The following EZH2 variants were observed in gnomAD, a reference collection of about 807,000 sequenced individuals.
EZH2 encodes histone-lysine N-methyltransferase EZH2.
A neutral mutation model predicts 98.4 loss-of-function variants in EZH2; 18 were observed. The ratio of observed to expected loss-of-function variants is 0.18; its 90% CI spans 0.13 to 0.27. The LOEUF is 0.27. Among genes scored for constraint, EZH2 ranks in the 10% least tolerant of loss-of-function variants. The pLI, the probability that EZH2 is intolerant of heterozygous loss-of-function variation, is 1.00. For missense variants in EZH2, 470 were observed against 935.1 expected (o/e 0.50, Z 6.49); for synonymous variants, 338 against 312.3 (o/e 1.08, Z -0.87).
At chr7:148,817,118 T>C (rs1804766834) in intron 11 of EZH2, 104 bp downstream of exon 11, 1 of 1,069,088 alleles carries the variant, frequency 9.4e-7, no homozygotes, top group African/African-American at 1.6e-5. Context: ...AGGAGATGAA[T>C]AGGAGCTTAG....
intron 1 of EZH2, among the ~76,000 whole-genome samples, chr7:148,881,683 C>A (rs1820978330): frequency 1.3e-5 from 2 of 152,074 alleles, no homozygotes; most frequent in Non-Finnish European, 2.9e-5. Flanking sequence ...ACGTCTGGAT[C>A]AGCATTTTGG....
chr7:148,818,067 G>T lies in EZH2; in HGVS notation c.1050C>A (p.Thr350=), dbSNP rs1478611049. Residue 350 remains threonine, a synonymous_variant, in exon 10 of 20, where the codon ACC becomes ACA. Transcript: ENST00000320356. ...AAALTAERIK[T]PPKRPGGRRR... is the part of the protein sequence containing the mutation. Reference sequence around the variant, plus strand: ...TGCGGCCTCCTGGACGTTTTGGTGGGGTCTTTATCCGCTCAGCGGTGAGAG... The same window carrying T: ...TGCGGCCTCCTGGACGTTTTGGTGGTGTCTTTATCCGCTCAGCGGTGAGAG... The T allele has an allele frequency of 6.2e-7, 1 of 1,613,390 alleles. No homozygotes were observed. The highest frequency in any genetic ancestry group is 8.5e-7 in the Non-Finnish European group (1 of 1,179,776).
chr7:148,858,094 C>G (rs1190532541), intron 1 of EZH2, among the ~76,000 whole-genome samples: 1 of 151,780 alleles, frequency 6.6e-6, no homozygotes, highest in Non-Finnish European at 1.5e-5. Context: ...AGATCGAGAC[C>G]ATTCTTGCTA....
chr7:148,823,976 C>A (rs932699664), intron 8 of EZH2, among the ~76,000 whole-genome samples: 2 of 152,088 alleles, frequency 1.3e-5, no homozygotes, highest in Non-Finnish European at 2.9e-5. Context: ...ACTACCGTAT[C>A]CCCAAGATAA....
chr7:148,829,702 T>C (rs780608707), intron 5 of EZH2, 26 bp downstream of exon 5: 2 of 1,599,732 alleles, frequency 1.3e-6, no homozygotes, highest in African/African-American at 1.4e-5. Flanking sequence ...AGCCCCTTTT[T>C]CCAAGAGAAG....
chr7:148,848,349 GA>G (rs760515375), intron 1 of EZH2, among the ~76,000 whole-genome samples: 4 of 152,204 alleles, frequency 2.6e-5, no homozygotes, highest in Non-Finnish European at 5.9e-5. Context: ...CGATGACAGG[GA>G]AAAGTACGTG....
At chr7:148,814,640 A>T (rs945936811) in intron 14 of EZH2, among the ~76,000 whole-genome samples, 2 of 152,174 alleles carry the variant, frequency 1.3e-5, no homozygotes, top group African/African-American at 2.4e-5. Flanking sequence ...ACTTTAATAC[A>T]ACTTAATTTA....
intron 3 of EZH2, among the ~76,000 whole-genome samples, chr7:148,841,190 T>C (rs1812334979): frequency 6.6e-6 from 1 of 152,102 alleles, no homozygotes; most frequent in African/African-American, 2.4e-5. Flanking sequence ...CCTTTTTTTT[T>C]TAAGCTAACC....
At chr7:148,826,684 T>C in intron 7 of EZH2, 52 bp from the exon 8 acceptor site, 1 of 1,382,068 alleles carries the variant, frequency 7.2e-7, no homozygotes, top group Non-Finnish European at 9.5e-7. Context: ...AATCACTTTT[T>C]TGAAAACAGT....
chr7:148,869,338 C>CTTTTTTT (rs143589780), intron 1 of EZH2, among the ~76,000 whole-genome samples: 5 of 80,286 alleles, frequency 6.2e-5, no homozygotes, highest in African/African-American at 1.9e-4. Flanking sequence ...CAGCAATAGC[C>CTTTTTTT]TTTTTTTTTT....
chr7:148,861,823 T>A (rs527757129), intron 1 of EZH2, among the ~76,000 whole-genome samples: 1 of 124,226 alleles, frequency 8.0e-6, no homozygotes. Flanking sequence ...AAAAAAAAAT[T>A]AATTAGTAAG....
intron 1 of EZH2, among the ~76,000 whole-genome samples, chr7:148,859,645 C>T (rs1817380235): frequency 6.6e-6 from 1 of 152,154 alleles, no homozygotes; most frequent in African/African-American, 2.4e-5. Context: ...AGCTGAAGTA[C>T]TCAGAGCCCC....
In EZH2 at chr7:148,815,563, A is replaced by G; in HGVS notation, c.1506-17T>C. The stretch of plus-strand genomic sequence containing the variant: ...GCCCACAACCTGCAAAAACACAAAG[A>G]AAATTAAACCAAATTTCTGCGGGAA... On this transcript the variant is annotated splice_polypyrimidine_tract_variant and intron_variant, in intron 12 of 19. Transcript: ENST00000320356. The G allele has an allele frequency of 6.2e-7, 1 of 1,613,454 alleles. No individual in the cohort carries two copies. Among genetic ancestry groups the G allele is most frequent in the African/African-American group, 1.3e-5 (1 of 75,054 alleles).
chr7:148,873,319 C>T (rs371301561), intron 1 of EZH2, among the ~76,000 whole-genome samples: 14 of 151,838 alleles, frequency 9.2e-5, no homozygotes, highest in African/African-American at 3.4e-4. Context: ...TAGTGAAACC[C>T]CATCTCTACT....
intron 3 of EZH2, among the ~76,000 whole-genome samples, chr7:148,834,348 TATATACACAC>T (rs1426797805): frequency 3.9e-5 from 3 of 76,282 alleles, no homozygotes; most frequent in African/African-American, 9.6e-5. Flanking sequence ...TATATATATA[TATATACACAC>T]ACACACACAC....
chr7:148,865,081 C>A (rs1259982001), intron 1 of EZH2, among the ~76,000 whole-genome samples: 1 of 150,092 alleles, frequency 6.7e-6, no homozygotes, highest in Non-Finnish European at 1.5e-5. Context: ...AAGCTGAGAT[C>A]GCGCCACTGC....
intron 15 of EZH2, 182 bp from the exon 16 acceptor site, chr7:148,811,902 TTA>T (rs1360033656): frequency 8.7e-6 from 5 of 574,504 alleles, no homozygotes; most frequent in East Asian, 2.9e-5. Context: ...GCTATGAACA[TTA>T]TGTTTTCCTT....
intron 1 of EZH2, among the ~76,000 whole-genome samples, chr7:148,864,101 T>C (rs1426138576): frequency 6.6e-6 from 1 of 152,250 alleles, no homozygotes; most frequent in Non-Finnish European, 1.5e-5. Context: ...CTTAGCTGAA[T>C]GATAGAAAAC....
Position 148,875,660 on chromosome 7 carries a change from T to A in EZH2, c.-8+8504A>T, listed in dbSNP as rs987264792. 2.0e-5 allele frequency among the ~76,000 whole-genome samples: 3 copies of A among 152,222 alleles called. No homozygotes were observed. In the South Asian group the frequency reaches 6.2e-4, roughly 32 times the overall value. On this transcript the variant is annotated intron_variant, in intron 1 of 19. Coordinates refer to ENST00000320356, the MANE Select transcript of EZH2 (RefSeq NM_004456.5). ...GCACAGTTACAACTGTAACTTTCAA[T>A]TTAAAATGGTACAACTATTTTGGAA... is the stretch of plus-strand genomic sequence containing the variant.
Sources: gnomAD v4.1 joint callset for allele counts (sites outside exome capture counted in the v4.1 genomes callset) on GRCh38, gnomAD v4.1.1 for gene constraint, MANE v1.5 for transcripts, NCBI Gene and HGNC (gene_info 2026-07-23, HGNC 2026-07-21) for gene names.